SPMIP2: variants seen among roughly 807,000 people sequenced by gnomAD.
SPMIP2 encodes the protein sperm microtubule inner protein 2, also known as protein SPMIP2.
chr4:159,077,477 G>A, the SPMIP2 span, among the ~76,000 whole-genome samples: 2 of 152,110 alleles, frequency 1.3e-5, no homozygotes, highest in African/African-American at 4.8e-5. Flanking sequence ...TTTCTTAGGA[G>A]GGTTTTTCTT....
At chr4:158,899,305 TTTTC>T in the SPMIP2 span, among the ~76,000 whole-genome samples, 8 of 152,170 alleles carry the variant, frequency 5.3e-5, no homozygotes, top group Admixed American at 5.2e-4. Flanking sequence ...TGGCCTGACA[TTTTC>T]TTTTTTTGTT....
At chr4:158,952,607 G>T in the SPMIP2 span, among the ~76,000 whole-genome samples, 1 of 152,184 alleles carries the variant, frequency 6.6e-6, no homozygotes, top group Non-Finnish European at 1.5e-5. Context: ...CCTAAAATGT[G>T]GAAGCAACTT....
chr4:158,971,766 T>G, the SPMIP2 span, among the ~76,000 whole-genome samples: 2 of 152,164 alleles, frequency 1.3e-5, no homozygotes, highest in Non-Finnish European at 2.9e-5. Context: ...GCAAAGACAA[T>G]GCAAAGGCCT....
At chr4:159,040,460 T>C in the SPMIP2 span, among the ~76,000 whole-genome samples, 1 of 151,306 alleles carries the variant, frequency 6.6e-6, no homozygotes, top group Non-Finnish European at 1.5e-5. Context: ...TGTGAGCCAC[T>C]GCGCCCGGTC....
At chr4:158,934,323 G>A in the SPMIP2 span, among the ~76,000 whole-genome samples, 22 of 152,216 alleles carry the variant, frequency 1.4e-4, no homozygotes, top group African/African-American at 3.9e-4. Context: ...TTAGCTGGGC[G>A]TGGTGGTGGA....
chr4:158,911,786 G>A, the SPMIP2 span, among the ~76,000 whole-genome samples: 1 of 152,140 alleles, frequency 6.6e-6, no homozygotes, highest in Non-Finnish European at 1.5e-5. Flanking sequence ...TGAGAATACT[G>A]CTCTCAAACT....
the SPMIP2 span, among the ~76,000 whole-genome samples, chr4:159,030,477 T>G: frequency 1.4e-5 from 2 of 147,372 alleles, no homozygotes; most frequent in African/African-American, 5.0e-5. Flanking sequence ...ATTTATTTAT[T>G]TATTTATTTA....
the SPMIP2 span, among the ~76,000 whole-genome samples, chr4:159,056,607 AAG>A: frequency 6.6e-6 from 1 of 152,234 alleles, no homozygotes. Context: ...GCAGCAAACT[AAG>A]ATAAATGCTA....
the SPMIP2 span, among the ~76,000 whole-genome samples, chr4:159,046,714 A>G: frequency 6.6e-6 from 1 of 152,178 alleles, no homozygotes; most frequent in African/African-American, 2.4e-5. Context: ...CTGGGACTAC[A>G]TGTGCATGTC....
chr4:158,945,195 A>G, the SPMIP2 span, among the ~76,000 whole-genome samples: 1 of 152,168 alleles, frequency 6.6e-6, no homozygotes, highest in African/African-American at 2.4e-5. Context: ...ACTCCCCCAC[A>G]TCACTGCCCT....
At chr4:158,962,233 A>G in the SPMIP2 span, among the ~76,000 whole-genome samples, 1 of 152,194 alleles carries the variant, frequency 6.6e-6, no homozygotes. Flanking sequence ...ATCATTGCTT[A>G]AGACTTTCAC....
chr4:159,057,828 C>T, the SPMIP2 span, among the ~76,000 whole-genome samples: 2 of 152,108 alleles, frequency 1.3e-5, no homozygotes, highest in East Asian at 3.8e-4. Flanking sequence ...TTAGTAGCTA[C>T]AGGAGAGTAA....
the SPMIP2 span, among the ~76,000 whole-genome samples, chr4:159,037,827 C>CACACACAT: frequency 1.7e-4 from 21 of 126,022 alleles, no homozygotes; most frequent in East Asian, 4.9e-4. Context: ...CACACACACA[C>CACACACAT]ATATATATAT....
the SPMIP2 span, among the ~76,000 whole-genome samples, chr4:158,894,981 G>A: frequency 1.3e-5 from 2 of 152,152 alleles, no homozygotes; most frequent in African/African-American, 4.8e-5. Context: ...AATTAGGTAT[G>A]ATGGAATTAC....
the SPMIP2 span, among the ~76,000 whole-genome samples, chr4:159,025,650 T>C: frequency 1.3e-5 from 2 of 152,092 alleles, no homozygotes; most frequent in Non-Finnish European, 2.9e-5. Context: ...TTTAAGATGG[T>C]TTTGTGTCCT....
chr4:159,054,040 C>T, the SPMIP2 span, among the ~76,000 whole-genome samples: 695 of 152,252 alleles, frequency 4.6e-3, 6 homozygotes, highest in African/African-American at 0.016. Flanking sequence ...GTGGTGCAAT[C>T]GTCACTCACT....
At chr4:159,070,454 T>G in the SPMIP2 span, among the ~76,000 whole-genome samples, 1 of 152,240 alleles carries the variant, frequency 6.6e-6, no homozygotes, top group South Asian at 2.1e-4. Flanking sequence ...CTTTTGTTGC[T>G]TTAATAGTTC....
chr4:158,910,098 C>G, the SPMIP2 span, among the ~76,000 whole-genome samples: 356 of 152,024 alleles, frequency 2.3e-3, no homozygotes, highest in Admixed American at 5.4e-3. Context: ...CCAGGCTGGT[C>G]TTGAACTCTG....
the SPMIP2 span, among the ~76,000 whole-genome samples, chr4:158,950,214 C>T: frequency 6.6e-6 from 1 of 152,314 alleles, no homozygotes; most frequent in African/African-American, 2.4e-5. Flanking sequence ...GTCATCATTT[C>T]TTTCTAGAAT....
Sources: allele counts gnomAD v4.1 joint callset (sites outside exome capture counted in the v4.1 genomes callset), GRCh38; gene constraint gnomAD v4.1.1; transcripts MANE v1.5; gene names NCBI Gene and HGNC (gene_info 2026-07-23, HGNC 2026-07-21).